Variants in DGAT2 observed in about 807,000 individuals in gnomAD.
DGAT2 encodes acyl-CoA retinol O-fatty-acyltransferase.
DGAT2 carries 33 observed loss-of-function variants against 48.4 expected under a neutral mutation model. That is an observed-to-expected ratio of 0.68 (90% CI 0.52 to 0.91). DGAT2 has a LOEUF of 0.91. DGAT2 is among the 40% of genes least tolerant of loss of function. The pLI is 0.00. For missense variants in DGAT2, 446 were observed against 493.7 expected, an observed-to-expected ratio of 0.90 and a Z score of 0.92; for synonymous variants, 191 against 194.1, an observed-to-expected ratio of 0.98 and a Z score of 0.13.
chr11:75,796,627 C>A, intron 5 of DGAT2, 95 bp downstream of exon 5: 3 of 1,320,508 alleles, frequency 2.3e-6, no homozygotes, highest in Non-Finnish European at 3.1e-6. Flanking sequence ...ACACACCATT[C>A]CTTGGTGCTG....
intron 1 of DGAT2, among the ~76,000 whole-genome samples, chr11:75,771,717 G>T (rs535579836): frequency 1.3e-5 from 2 of 152,194 alleles, no homozygotes; most frequent in South Asian, 2.1e-4. Context: ...CTCCAATTCC[G>T]TGTGGCTTCC....
intron 4 of DGAT2, chr11:75,795,999 T>C (rs982652691): frequency 1.8e-5 from 5 of 275,924 alleles, no homozygotes; most frequent in Non-Finnish European, 3.5e-5. Flanking sequence ...ACTCTGGCTG[T>C]TGCGAAAAGG....
chr11:75,774,077 G>A (rs1314040343), intron 1 of DGAT2: 4 of 152,378 alleles, frequency 2.6e-5, no homozygotes, highest in African/African-American at 2.4e-5. Context: ...GCTGGATCCA[G>A]GCCTGTGGTG....
At chr11:75,790,398 A>G (rs1944974448) in intron 3 of DGAT2, 103 bp downstream of exon 3, 1 of 1,045,098 alleles carries the variant, frequency 9.6e-7, no homozygotes, top group Non-Finnish European at 1.5e-6. Flanking sequence ...TTTAACACCC[A>G]CTTTGTGAAA....
chr11:75,798,400 T>C lies in DGAT2; in HGVS notation c.983T>C (p.Val328Ala). The C allele has an allele frequency of 6.2e-7, 1 of 1,613,624 alleles. No individual in the cohort carries two copies. Among genetic ancestry groups the C allele is most frequent in the Non-Finnish European group, 8.5e-7 (1 of 1,180,020 alleles). Residue 328 changes from valine (V) to alanine (A), a missense_variant, in exon 7 of 8, where the codon GTG becomes GCG. By Grantham distance (64) the Val-to-Ala change is moderately conservative. Transcript: ENST00000228027. ...TTCTCCTCCGACACCTGGGGGCTGG[T>C]GCCCTACTCCAAGCCCATCACCACT... ...GLFSSDTWGL[V>A]PYSKPITTVV...
At chr11:75,771,730 C>G (rs927249654) in intron 1 of DGAT2, among the ~76,000 whole-genome samples, 17 of 152,236 alleles carry the variant, frequency 1.1e-4, no homozygotes, top group South Asian at 8.3e-4. Flanking sequence ...TGGCTTCCCC[C>G]CTCACCTACA....
At chr11:75,794,210 T>C (rs977844400) in intron 4 of DGAT2, 1 of 152,310 alleles carries the variant, frequency 6.6e-6, no homozygotes. Flanking sequence ...ACCTGAAGAT[T>C]TGCATTTCAA....
chr11:75,771,212 G>A (rs558364112), intron 1 of DGAT2, among the ~76,000 whole-genome samples: 1 of 152,322 alleles, frequency 6.6e-6, no homozygotes, highest in African/African-American at 2.4e-5. Flanking sequence ...GGTGCATGCT[G>A]GGGGAAGCGG....
At position 75,798,223 on chromosome 11, in the gene DGAT2, C is replaced by T; in HGVS notation, c.810-4C>T. On this transcript the variant is annotated splice_region_variant and splice_polypyrimidine_tract_variant and intron_variant, in intron 6 of 7. Coordinates refer to ENST00000228027, the MANE Select transcript of DGAT2 (RefSeq NM_032564.5). ...TATGACAGACCCTGGCCTCTCCCTT[C>T]CAGAGCTGACCTGGTTCCCATCTAC... 1 of 1,614,158 alleles carries T rather than the reference C, an allele frequency of 6.2e-7. No individual in the cohort carries two copies.
intron 6 of DGAT2, 128 bp from the exon 7 acceptor site, chr11:75,798,099 C>A: frequency 2.2e-6 from 2 of 912,082 alleles, no homozygotes; most frequent in Non-Finnish European, 3.4e-6. Flanking sequence ...GAACTTGGGA[C>A]ACCCAGGTAA....
In DGAT2 at chr11:75,769,018, C is replaced by T. The variant is rs749078614; in HGVS notation, c.27C>T (p.Ser9=). The T allele has an allele frequency of 7.6e-6, 12 of 1,575,526 alleles. No individual in the cohort carries two copies. Among genetic ancestry groups the T allele is most frequent in the African/African-American group, 5.6e-5 (4 of 71,992 alleles). The change falls in exon 1 of 8, where the codon TCC becomes TCT. Residue 9 remains serine (S), a synonymous_variant. Coordinates refer to ENST00000228027, the MANE Select transcript of DGAT2 (RefSeq NM_032564.5). MKTLIAAY[S]GVLRGERQAE... ...TGAAGACCCTCATAGCCGCCTACTC[C>T]GGGGTCCTGCGCGGCGAGCGTCAGG...
At chr11:75,798,130 G>GGA in intron 6 of DGAT2, 97 bp from the exon 7 acceptor site, 1 of 1,265,410 alleles carries the variant, frequency 7.9e-7, no homozygotes, top group African/African-American at 1.5e-5. Flanking sequence ...CCCAGCTGGG[G>GGA]GAGGGGGATG....
At chr11:75,796,050 C>T (rs1471628108) in intron 4 of DGAT2, 5 of 425,056 alleles carry the variant, frequency 1.2e-5, no homozygotes, top group Admixed American at 4.0e-5. Context: ...TGGCAGAGTG[C>T]AAAGAAGAGC....
At chr11:75,797,363 C>A (rs1477379744) in intron 6 of DGAT2, 31 bp downstream of exon 6, 1 of 1,410,184 alleles carries the variant, frequency 7.1e-7, no homozygotes. Context: ...ACACACACCC[C>A]TCCAGTGCCC....
intron 2 of DGAT2, 56 bp from the exon 3 acceptor site, chr11:75,790,132 G>A: frequency 7.7e-7 from 1 of 1,293,192 alleles, no homozygotes; most frequent in Non-Finnish European, 1.1e-6. Flanking sequence ...ATCCACCATG[G>A]CCCAGAGGGG....
At position 75,796,652 on chromosome 11, in the gene DGAT2, G is replaced by A. The variant is rs928249716; in HGVS notation, c.634+120G>A. ...CCTTGGTGCTGGGCCTGCATTGGGAGATGCAACCTGCTTCAGACATGGTGG... is the reference window on the plus strand; with the variant it reads ...CCTTGGTGCTGGGCCTGCATTGGGAAATGCAACCTGCTTCAGACATGGTGG... On this transcript the variant is annotated intron_variant, in intron 5 of 7. Coordinates refer to ENST00000228027, the MANE Select transcript of DGAT2 (RefSeq NM_032564.5). The A allele has an allele frequency of 1.2e-5, 12 of 1,010,920 alleles. 1 individual carries two copies. In the Middle Eastern group the frequency reaches 9.6e-4, roughly 81 times the overall value. The allele number at this position is 1,010,920 out of a possible 1,614,324, so 62.6% of individuals were successfully genotyped here.
intron 4 of DGAT2, chr11:75,795,127 C>G (rs554822765): frequency 2.0e-5 from 3 of 152,154 alleles, no homozygotes; most frequent in Admixed American, 2.0e-4. Context: ...TGGGCTCAAG[C>G]CATCTTTCCA....
intron 1 of DGAT2, among the ~76,000 whole-genome samples, chr11:75,771,352 G>A (rs559360155): frequency 2.0e-5 from 3 of 152,122 alleles, no homozygotes; most frequent in East Asian, 1.9e-4. Context: ...GGGGCTCTTC[G>A]TTCAGAAGAG....
chr11:75,773,493 C>G (rs1228396820), intron 1 of DGAT2, among the ~76,000 whole-genome samples: 3 of 152,202 alleles, frequency 2.0e-5, no homozygotes, highest in Non-Finnish European at 4.4e-5. Context: ...GGTCAGAATT[C>G]TCAGATTCTC....
Sources: allele counts gnomAD v4.1 joint callset (sites outside exome capture counted in the v4.1 genomes callset), GRCh38; gene constraint gnomAD v4.1.1; transcripts MANE v1.5; gene names NCBI Gene and HGNC (gene_info 2026-07-23, HGNC 2026-07-21).